The following GLI3 variants were observed in gnomAD, a reference collection of about 807,000 sequenced individuals.
GLI3 encodes the protein transcription activator GLI3.
A neutral mutation model predicts 100.8 loss-of-function variants in GLI3; 20 were observed. That is an observed-to-expected ratio of 0.20 (90% CI 0.14 to 0.29). The LOEUF is 0.29. Ranked by LOEUF, GLI3 falls within the 10% of genes least tolerant of loss-of-function variation. GLI3 has a pLI of 1.00. For synonymous variants in GLI3, 938 were observed against 860.5 expected, an observed-to-expected ratio of 1.09 and a Z score of -1.58; for missense variants, 2,040 against 2,128.5, an observed-to-expected ratio of 0.96 and a Z score of 0.82.
chr7:42,091,356 C>T (rs1785214082), intron 3 of GLI3, among the ~76,000 whole-genome samples: 1 of 152,188 alleles, frequency 6.6e-6, no homozygotes, highest in African/African-American at 2.4e-5. Flanking sequence ...CACCCAGGCC[C>T]TGCCTCAGGC....
At position 42,223,121 on chromosome 7, in the gene GLI3, G is replaced by T. The variant is rs1460448064; in HGVS notation, c.124+9C>A. 1 of 1,613,726 alleles carries T rather than the reference G, an allele frequency of 6.2e-7. No homozygotes were observed. Among genetic ancestry groups the T allele is most frequent in the African/African-American group, 1.3e-5 (1 of 75,030 alleles). ...AGGCTGGGCTGCTGGTAATCCCTGT[G>T]CTGCTCACCATTAGAAGTGGTGCTG... On this transcript the variant is annotated intron_variant, in intron 2 of 14. Coordinates refer to ENST00000395925, the MANE Select transcript of GLI3 (RefSeq NM_000168.6).
chr7:41,965,742 G>C lies in GLI3; in HGVS notation c.3331C>G (p.His1111Asp). 1.9e-6 allele frequency: 3 copies of C among 1,613,588 alleles called. No homozygotes were observed. The highest frequency in any genetic ancestry group is 2.5e-6 in the Non-Finnish European group (3 of 1,179,924). The change falls in exon 15 of 15, where the codon CAC becomes GAC. Residue 1111 changes from histidine (H) to aspartate (D), a missense_variant. Physicochemically the swap from His to Asp is moderately conservative, Grantham distance 81. Around this residue, in one of 5 missense-constraint regions of GLI3, gnomAD observed 1,041 missense variants for 924.0 expected, o/e 1.13. Coordinates refer to ENST00000395925, the MANE Select transcript of GLI3 (RefSeq NM_000168.6). The stretch of plus-strand genomic sequence containing the variant: ...TCGTCCGGGAGGGCGCTGGGGAAGT[G>C]CTGCTCGTACCCTGCTTGGTTCTGG... ...NSQNQAGYEQ[H>D]FPSALPDDSK...
intron 1 of GLI3, among the ~76,000 whole-genome samples, chr7:42,262,111 G>A (rs372185267): frequency 6.7e-6 from 1 of 150,008 alleles, no homozygotes; most frequent in Non-Finnish European, 1.5e-5. Flanking sequence ...AGGCTGGAGC[G>A]CAGAGGTGCA....
At chr7:42,122,808 GAA>G (rs1375680522) in intron 3 of GLI3, among the ~76,000 whole-genome samples, 1 of 152,182 alleles carries the variant, frequency 6.6e-6, no homozygotes, top group African/African-American at 2.4e-5. Context: ...TGCTGAATCA[GAA>G]AAGACACCTA....
At chr7:42,054,275 T>C (rs1784408481) in intron 4 of GLI3, among the ~76,000 whole-genome samples, 1 of 152,216 alleles carries the variant, frequency 6.6e-6, no homozygotes, top group Admixed American at 6.5e-5. Context: ...TAGAATGAAA[T>C]ATTATTATAT....
At chr7:42,219,523 A>G (rs1788441138) in intron 2 of GLI3, among the ~76,000 whole-genome samples, 1 of 152,164 alleles carries the variant, frequency 6.6e-6, no homozygotes, top group South Asian at 2.1e-4. Context: ...AAGCTGTTCA[A>G]GTTTTCTGAA....
intron 1 of GLI3, among the ~76,000 whole-genome samples, chr7:42,232,429 AG>A (rs1477662692): frequency 6.6e-6 from 1 of 152,262 alleles, no homozygotes; most frequent in Non-Finnish European, 1.5e-5. Flanking sequence ...AATGGTGTGA[AG>A]AAGTGCTGGG....
intron 10 of GLI3, among the ~76,000 whole-genome samples, chr7:42,005,920 C>T (rs1019422049): frequency 2.0e-5 from 3 of 152,058 alleles, no homozygotes; most frequent in Non-Finnish European, 4.4e-5. Flanking sequence ...GGGTATCTCA[C>T]ATTATTCTCT....
At chr7:42,038,056 G>C (rs1784054431) in intron 7 of GLI3, among the ~76,000 whole-genome samples, 1 of 152,218 alleles carries the variant, frequency 6.6e-6, no homozygotes, top group Non-Finnish European at 1.5e-5. Flanking sequence ...GTGATTTTGT[G>C]TGTTATCTTT....
rs367606838 is a variant in GLI3 at position 42,078,075 on chromosome 7, C to T, written c.368-1218G>A. Among the ~76,000 whole-genome samples the T allele has an allele frequency of 7.2e-5, 11 of 152,286 alleles. No homozygotes were observed. In the East Asian group the frequency reaches 1.9e-3, roughly 27 times the overall value. ...GTCTCTAAAGGCAATTCCAATGGGG[C>T]CTTCTCTCAGCGGACAGGTTCTGAT... On this transcript the variant is annotated intron_variant, in intron 3 of 14. Transcript: ENST00000395925.
At chr7:42,226,662 G>A (rs1195240236) in intron 1 of GLI3, among the ~76,000 whole-genome samples, 3 of 152,118 alleles carry the variant, frequency 2.0e-5, no homozygotes, top group South Asian at 2.1e-4. Context: ...TTAAAAGTGT[G>A]GTTTATGCTT....
intron 10 of GLI3, among the ~76,000 whole-genome samples, chr7:42,013,396 C>T (rs1788671441): frequency 8.8e-6 from 1 of 114,214 alleles, no homozygotes; most frequent in Non-Finnish European, 1.7e-5. Flanking sequence ...ATAAGACACA[C>T]CTTATTTTTT....
rs1554337072 is a variant in GLI3, at chr7:42,182,662, A to ATATATATATACATGTGTG, written c.125-34195_125-34194insCACACATGTATATATATA. The stretch of plus-strand genomic sequence containing the variant: ...TGTGTGTGTATATATATATATATAT[A>ATATATATATACATGTGTG]TATATATATATATATATATACACAT... On this transcript the variant is annotated intron_variant, in intron 2 of 14. Transcript: ENST00000395925. Among the ~76,000 whole-genome samples, 32 of 76,698 alleles carry ATATATATATACATGTGTG rather than the reference A, an allele frequency of 4.2e-4. 1 individual carries two copies. Among genetic ancestry groups the ATATATATATACATGTGTG allele is most frequent in the East Asian group, 1.3e-3 (5 of 3,752 alleles). The allele number at this position is 76,698 out of a possible 152,430, so 50.3% of individuals were successfully genotyped here.
intron 1 of GLI3, among the ~76,000 whole-genome samples, chr7:42,223,534 TC>T (rs36126199): frequency 2.3e-4 from 35 of 152,190 alleles, no homozygotes; most frequent in Admixed American, 1.2e-3. Flanking sequence ...ATGGTACTTT[TC>T]CCAAATCCCT....
intron 1 of GLI3, among the ~76,000 whole-genome samples, chr7:42,244,476 T>C (rs1033600782): frequency 3.9e-5 from 6 of 152,182 alleles, no homozygotes; most frequent in African/African-American, 1.4e-4. Flanking sequence ...AAGTTGAGCC[T>C]GAAATACAAA....
intron 4 of GLI3, among the ~76,000 whole-genome samples, chr7:42,051,868 T>C (rs1008316240): frequency 3.9e-5 from 6 of 152,110 alleles, no homozygotes; most frequent in Non-Finnish European, 8.8e-5. Flanking sequence ...CCAAAGTCCA[T>C]AGTTTAGGGT....
In GLI3 at chr7:41,967,897, C is replaced by A. The variant is rs772295341; in HGVS notation, c.2130G>T (p.Gln710His). The A allele has an allele frequency of 1.9e-6, 3 of 1,614,166 alleles. No individual in the cohort carries two copies. Among genetic ancestry groups the A allele is most frequent in the Non-Finnish European group, 2.5e-6 (3 of 1,180,016 alleles). The change falls in exon 14 of 15, where the codon CAG becomes CAT. Residue 710 changes from glutamine (Q) to histidine (H), a missense_variant. By Grantham distance (24) the Gln-to-His change is conservative (BLOSUM62 0). Around this residue, in one of 5 missense-constraint regions of GLI3, gnomAD observed 327 missense variants for 338.7 expected, o/e 0.97. Transcript: ENST00000395925. ...GGGACTGTTGGCTGCTGCATGAAGA[C>A]TGACCACCAGGGCTTGGCTGAGATG... Reference protein sequence around the residue: ...PMTSQPSPGGQSSCSSQQSPI... With the variant: ...PMTSQPSPGGHSSCSSQQSPI...
intron 2 of GLI3, among the ~76,000 whole-genome samples, chr7:42,205,701 T>C (rs770183080): frequency 2.0e-5 from 3 of 152,166 alleles, no homozygotes; most frequent in Non-Finnish European, 4.4e-5. Context: ...CATGTTAAAG[T>C]ATAAAAGGTG....
chr7:42,114,829 G>A (rs1269463376), intron 3 of GLI3, among the ~76,000 whole-genome samples: 2 of 151,904 alleles, frequency 1.3e-5, no homozygotes, highest in African/African-American at 2.4e-5. Context: ...AGCCTCCTGA[G>A]TAGTTGGGAC....
Sources: allele counts gnomAD v4.1 joint callset (sites outside exome capture counted in the v4.1 genomes callset), GRCh38; gene constraint gnomAD v4.1.1; regional missense constraint gnomAD v4.1.1; transcripts MANE v1.5; gene names NCBI Gene and HGNC (gene_info 2026-07-23, HGNC 2026-07-21).